Variants in SLC25A48 observed in about 807,000 individuals in gnomAD.
SLC25A48 encodes the protein CTC-321K16.1.
A neutral mutation model predicts 32.2 loss-of-function variants in SLC25A48; 29 were observed. The ratio of observed to expected loss-of-function variants is 0.90; its 90% CI spans 0.67 to 1.23. The LOEUF is 1.23. SLC25A48 is among the 50% of genes most tolerant of loss of function. The pLI, the probability that SLC25A48 is intolerant of heterozygous loss-of-function variation, is 0.00. For synonymous variants in SLC25A48, 164 were observed against 172.3 expected (o/e 0.95, Z 0.38); for missense variants, 399 against 422.7 (o/e 0.94, Z 0.49).
intron 1 of SLC25A48, among the ~76,000 whole-genome samples, chr5:135,618,411 C>T (rs1393752891): frequency 6.6e-6 from 1 of 151,968 alleles, no homozygotes; most frequent in African/African-American, 2.4e-5. Flanking sequence ...TGCTTACATT[C>T]AAGGTTATTT....
intron 2 of SLC25A48, among the ~76,000 whole-genome samples, chr5:135,630,616 TTTTTTG>T (rs1752536422): frequency 8.5e-6 from 1 of 117,024 alleles, no homozygotes; most frequent in African/African-American, 3.2e-5. Context: ...TTTTTTTTTT[TTTTTTG>T]AGAGAGTCAT....
chr5:135,689,676 A>G (rs1041352910), intron 3 of SLC25A48, among the ~76,000 whole-genome samples: 3 of 152,144 alleles, frequency 2.0e-5, no homozygotes, highest in African/African-American at 7.2e-5. Context: ...CATTGTGCCG[A>G]CTCATTTCCT....
chr5:135,671,024 G>A (rs777436013), intron 3 of SLC25A48, among the ~76,000 whole-genome samples: 8 of 152,190 alleles, frequency 5.3e-5, no homozygotes, highest in Non-Finnish European at 1.2e-4. Context: ...AGAGGTTGGG[G>A]CCTGCTGTCA....
At chr5:135,685,897 T>C (rs537421768) in intron 3 of SLC25A48, among the ~76,000 whole-genome samples, 2 of 152,350 alleles carry the variant, frequency 1.3e-5, no homozygotes, top group Admixed American at 6.5e-5. Flanking sequence ...GCAGATTCCC[T>C]GGGGATTTTT....
intron 3 of SLC25A48, among the ~76,000 whole-genome samples, chr5:135,737,261 G>A (rs917857061): frequency 6.6e-6 from 1 of 151,748 alleles, no homozygotes; most frequent in Admixed American, 6.6e-5. Flanking sequence ...GTCAAAGGGG[G>A]TTGTTCTCTG....
At chr5:135,856,847 C>G (rs1004771395) in intron 4 of SLC25A48, among the ~76,000 whole-genome samples, 1 of 152,228 alleles carries the variant, frequency 6.6e-6, no homozygotes, top group Non-Finnish European at 1.5e-5. Context: ...CATCCAGGCC[C>G]CTGTGCTGGC....
chr5:135,682,265 T>C (rs576803367), intron 3 of SLC25A48, among the ~76,000 whole-genome samples: 1 of 152,314 alleles, frequency 6.6e-6, no homozygotes, highest in East Asian at 1.9e-4. Context: ...TGCAGTCTGA[T>C]GTCTGAAAAC....
chr5:135,871,426 G>T (rs1357303870), intron 4 of SLC25A48, 35 bp from the exon 5 acceptor site: 1 of 1,558,108 alleles, frequency 6.4e-7, no homozygotes, highest in South Asian at 1.2e-5. Context: ...TTACACCCTG[G>T]GTCACTTGCC....
chr5:135,734,264 A>G (rs1755298752), intron 3 of SLC25A48, among the ~76,000 whole-genome samples: 1 of 152,106 alleles, frequency 6.6e-6, no homozygotes, highest in Non-Finnish European at 1.5e-5. Flanking sequence ...TGGGTTGGGA[A>G]GAAGGGTGGC....
rs1758347942 is a variant in SLC25A48, at chr5:135,834,707, G to C, written c.-141G>C. ...GCAGCCCGCGCAGCCGGTGACTGGG[G>C]GACTGGGTTTGGAGTAGGACCTGCG... On this transcript the variant is annotated 5_prime_UTR_variant, in exon 1 of 8. Transcript: ENST00000681962. The C allele has an allele frequency of 3.3e-6, 3 of 900,340 alleles. No individual in the cohort carries two copies. The highest frequency in any genetic ancestry group is 4.9e-6 in the Non-Finnish European group (3 of 607,414). 55.8% of individuals were successfully genotyped at this position (900,340 alleles called of 1,614,324 possible).
rs538818782 is a variant in SLC25A48 at position 135,842,300 on chromosome 5, C to T, written c.47-116C>T. The T allele has an allele frequency of 2.6e-5, 28 of 1,069,750 alleles. No individual in the cohort carries two copies. In the East Asian group the frequency reaches 6.1e-4, roughly 23 times the overall value. The allele number at this position is 1,069,750 out of a possible 1,614,324, so 66.3% of individuals were successfully genotyped here. ...TAGCACATTGGAGCCCACCCACTCCCCCTACCCCAGCAATTGACCGTTGAC... is the reference window on the plus strand; with the variant it reads ...TAGCACATTGGAGCCCACCCACTCCTCCTACCCCAGCAATTGACCGTTGAC... On this transcript the variant is annotated intron_variant, in intron 1 of 7. Coordinates refer to ENST00000681962, the MANE Select transcript of SLC25A48 (RefSeq NM_001349336.2).
chr5:135,756,647 G>C (rs567563908), intron 3 of SLC25A48, among the ~76,000 whole-genome samples: 42 of 151,886 alleles, frequency 2.8e-4, no homozygotes, highest in Non-Finnish European at 5.4e-4. Flanking sequence ...CTCCAGCCTG[G>C]GCAAAAAGAG....
At chr5:135,595,094 C>T (rs1470991852) in intron 1 of SLC25A48, among the ~76,000 whole-genome samples, 1 of 152,200 alleles carries the variant, frequency 6.6e-6, no homozygotes, top group East Asian at 1.9e-4. Context: ...CATTTCCAAA[C>T]AGTCCCTGGT....
intron 4 of SLC25A48, among the ~76,000 whole-genome samples, chr5:135,863,694 C>T (rs766234325): frequency 2.0e-5 from 3 of 152,156 alleles, no homozygotes; most frequent in Non-Finnish European, 4.4e-5. Context: ...GGCTGAATTA[C>T]ATAATTTGTC....
At chr5:135,604,387 A>G (rs965109875) in intron 1 of SLC25A48, among the ~76,000 whole-genome samples, 58 of 152,212 alleles carry the variant, frequency 3.8e-4, no homozygotes, top group African/African-American at 1.4e-3. Context: ...TAAGTGCCCC[A>G]TTTTATTAAT....
At chr5:135,732,903 T>C (rs191467892) in intron 3 of SLC25A48, among the ~76,000 whole-genome samples, 50 of 152,290 alleles carry the variant, frequency 3.3e-4, no homozygotes, top group Non-Finnish European at 6.0e-4. Context: ...TCTTGAGCGA[T>C]GGGATCTGAT....
intron 3 of SLC25A48, among the ~76,000 whole-genome samples, chr5:135,776,583 G>A (rs1251309164): frequency 3.3e-5 from 4 of 121,650 alleles, no homozygotes; most frequent in African/African-American, 1.0e-4. Context: ...TATTCAGTGA[G>A]GGAGAGGATG....
chr5:135,792,579 A>T (rs1280335982), intron 3 of SLC25A48, among the ~76,000 whole-genome samples: 1 of 151,334 alleles, frequency 6.6e-6, no homozygotes, highest in Admixed American at 6.6e-5. Context: ...TGGAGATATT[A>T]CTCTCCTAAT....
chr5:135,874,175 C>T (rs180842517), intron 6 of SLC25A48, 21 bp downstream of exon 6: 62 of 1,426,480 alleles, frequency 4.3e-5, no homozygotes, highest in African/African-American at 5.9e-5. Context: ...AGCAGGCCTG[C>T]GGGGTCAGTG....
Sources: gnomAD v4.1 joint callset for allele counts (sites outside exome capture counted in the v4.1 genomes callset) on GRCh38, gnomAD v4.1.1 for gene constraint, MANE v1.5 for transcripts, NCBI Gene and HGNC (gene_info 2026-07-23, HGNC 2026-07-21) for gene names.